Variants in DPP10 observed in about 807,000 individuals in gnomAD.
DPP10 encodes the protein inactive dipeptidyl peptidase 10.
Under a neutral mutation model 120.9 loss-of-function variants are expected in DPP10, and 33 were observed. The ratio of observed to expected loss-of-function variants is 0.27; its 90% CI spans 0.21 to 0.37. The LOEUF is 0.37. Ranked by LOEUF, DPP10 falls within the 10% of genes least tolerant of loss-of-function variation. DPP10 has a pLI of 1.00. For synonymous variants in DPP10, 337 were observed against 326.1 expected (o/e 1.03, Z -0.36); for missense variants, 816 against 942.8 (o/e 0.87, Z 1.76).
intron 1 of DPP10, among the ~76,000 whole-genome samples, chr2:114,845,741 C>T (rs542720249): frequency 3.0e-4 from 45 of 152,204 alleles, no homozygotes; most frequent in African/African-American, 9.1e-4. Flanking sequence ...TTAAAAATAT[C>T]GCAATCGGAA....
At chr2:115,426,091 G>A (rs112032036) in intron 3 of DPP10, among the ~76,000 whole-genome samples, 4 of 136,622 alleles carry the variant, frequency 2.9e-5, no homozygotes, top group Non-Finnish European at 6.3e-5. Context: ...TGCCACCTCC[G>A]ACGCTGGAGA....
At chr2:115,299,520 C>T (rs947309358) in intron 1 of DPP10, among the ~76,000 whole-genome samples, 1 of 151,968 alleles carries the variant, frequency 6.6e-6, no homozygotes, top group East Asian at 1.9e-4. Context: ...ATGTTTTGCT[C>T]AACCCTAATT....
At chr2:115,073,006 C>A (rs1271824290) in intron 1 of DPP10, among the ~76,000 whole-genome samples, 1 of 152,140 alleles carries the variant, frequency 6.6e-6, no homozygotes, top group Non-Finnish European at 1.5e-5. Context: ...TGGTCTCGAA[C>A]TTCTAACCTC....
At chr2:115,592,569 CT>C (rs1241359220) in intron 5 of DPP10, among the ~76,000 whole-genome samples, 1 of 69,264 alleles carries the variant, frequency 1.4e-5, no homozygotes, top group African/African-American at 6.8e-5. Flanking sequence ...CCCGTCTCTG[CT>C]AAAAAAAAAC....
chr2:115,650,729 A>T (rs909161392), intron 5 of DPP10, among the ~76,000 whole-genome samples: 1 of 151,216 alleles, frequency 6.6e-6, no homozygotes, highest in Admixed American at 6.6e-5. Flanking sequence ...TATTCAACAC[A>T]CTCCCTGCTC....
At chr2:114,502,588 C>G (rs936390515) in intron 1 of DPP10, among the ~76,000 whole-genome samples, 1 of 152,078 alleles carries the variant, frequency 6.6e-6, no homozygotes, top group Non-Finnish European at 1.5e-5. Flanking sequence ...GTTAAGTAAC[C>G]TATGTTTTGA....
At chr2:115,079,103 G>A (rs1341062008) in intron 1 of DPP10, among the ~76,000 whole-genome samples, 1 of 152,174 alleles carries the variant, frequency 6.6e-6, no homozygotes, top group African/African-American at 2.4e-5. Flanking sequence ...ATCCTCGGCC[G>A]GGCGCGGTGG....
chr2:115,177,435 A>G (rs1480456770), intron 1 of DPP10, among the ~76,000 whole-genome samples: 1 of 151,974 alleles, frequency 6.6e-6, no homozygotes, highest in African/African-American at 2.4e-5. Context: ...AACGGAGTCT[A>G]TTTTTTTCAC....
At position 114,915,397 on chromosome 2, in the gene DPP10, A is replaced by G. The variant is rs535487138; in HGVS notation, c.61-393842A>G. ...AAGACTTAGTTAACTACACTGTAAC[A>G]GTAGGAGACTTCAACACTCCACTGA... On this transcript the variant is annotated intron_variant, in intron 1 of 25. Coordinates refer to ENST00000410059, the MANE Select transcript of DPP10 (RefSeq NM_020868.6). Among the ~76,000 whole-genome samples, 12 of 152,336 alleles carry G rather than the reference A, an allele frequency of 7.9e-5. No individual in the cohort carries two copies. The East Asian group carries it at 2.3e-3, about 29-fold the overall frequency.
intron 3 of DPP10, among the ~76,000 whole-genome samples, chr2:115,429,099 G>A (rs2070744153): frequency 6.6e-6 from 1 of 151,996 alleles, no homozygotes. Flanking sequence ...AAATAGAAAT[G>A]ATAAACTTTA....
chr2:115,533,649 A>G (rs1185736850), intron 5 of DPP10, among the ~76,000 whole-genome samples: 1 of 152,100 alleles, frequency 6.6e-6, no homozygotes, highest in African/African-American at 2.4e-5. Context: ...TAATCTGGTT[A>G]TAGAATTATC....
intron 1 of DPP10, among the ~76,000 whole-genome samples, chr2:114,445,815 T>C (rs1246024390): frequency 6.6e-6 from 1 of 152,156 alleles, no homozygotes; most frequent in Non-Finnish European, 1.5e-5. Flanking sequence ...CCTGGCATAC[T>C]TTGGCAGGTA....
At chr2:115,577,654 A>G (rs1167995279) in intron 5 of DPP10, among the ~76,000 whole-genome samples, 2 of 152,152 alleles carry the variant, frequency 1.3e-5, no homozygotes, top group Admixed American at 6.5e-5. Context: ...TTTAAGGTCA[A>G]GGTGCCCACA....
At chr2:114,607,225 C>T (rs1039852385) in intron 1 of DPP10, among the ~76,000 whole-genome samples, 1 of 152,144 alleles carries the variant, frequency 6.6e-6, no homozygotes, top group Non-Finnish European at 1.5e-5. Flanking sequence ...GAACACAGTT[C>T]TCCATGCTGG....
At chr2:114,806,677 C>T (rs1361700441) in intron 1 of DPP10, among the ~76,000 whole-genome samples, 1 of 152,054 alleles carries the variant, frequency 6.6e-6, no homozygotes, top group Non-Finnish European at 1.5e-5. Flanking sequence ...TTTCCTAACC[C>T]CAAAAGCACA....
chr2:115,490,132 G>A (rs948866350), intron 3 of DPP10, among the ~76,000 whole-genome samples: 4 of 152,086 alleles, frequency 2.6e-5, no homozygotes, highest in Non-Finnish European at 4.4e-5. Flanking sequence ...TTTATTTATA[G>A]TTGTATTAGC....
intron 3 of DPP10, among the ~76,000 whole-genome samples, chr2:115,486,208 A>C (rs2075769230): frequency 6.6e-6 from 1 of 150,856 alleles, no homozygotes; most frequent in Admixed American, 6.7e-5. Flanking sequence ...TGCTGATATT[A>C]ACCATGACTA....
intron 1 of DPP10, among the ~76,000 whole-genome samples, chr2:115,156,271 G>C (rs2051904380): frequency 6.6e-6 from 1 of 152,184 alleles, no homozygotes; most frequent in Admixed American, 6.5e-5. Context: ...TTGGCCTCAA[G>C]TTTCCTTTGG....
intron 15 of DPP10, among the ~76,000 whole-genome samples, chr2:115,780,169 A>G (rs1682578235): frequency 6.6e-6 from 1 of 152,024 alleles, no homozygotes. Context: ...TTTATTAAAT[A>G]AACAATTTGA....
Sources: allele counts gnomAD v4.1 joint callset (sites outside exome capture counted in the v4.1 genomes callset), GRCh38; gene constraint gnomAD v4.1.1; transcripts MANE v1.5; gene names NCBI Gene and HGNC (gene_info 2026-07-23, HGNC 2026-07-21).